NDUFAF5: variants seen among roughly 807,000 people sequenced by gnomAD.
The protein encoded by NDUFAF5 is NADH:ubiquinone oxidoreductase complex assembly factor 5.
A neutral mutation model predicts 48.9 loss-of-function variants in NDUFAF5; 34 were observed. That is an observed-to-expected ratio of 0.70 (90% CI 0.53 to 0.93). NDUFAF5 has a LOEUF of 0.93. Among genes scored for constraint, NDUFAF5 ranks in the 40% least tolerant of loss-of-function variants. The pLI, the probability that NDUFAF5 is intolerant of heterozygous loss-of-function variation, is 0.00. For synonymous variants in NDUFAF5, 153 were observed against 150.6 expected (o/e 1.02, Z -0.12); for missense variants, 428 against 427.5 (o/e 1.00, Z -0.01).
intron 8 of NDUFAF5, among the ~76,000 whole-genome samples, chr20:13,813,709 A>G (rs76155719): frequency 0.016 from 2,513 of 152,304 alleles, 67 homozygotes; most frequent in African/African-American, 0.057. Flanking sequence ...GCAGCACCTA[A>G]ACGAAAATGA....
At position 13,793,098 on chromosome 20, in the gene NDUFAF5, A is replaced by G. The variant is rs1188916459; in HGVS notation, c.328-82A>G. ...TTTACAAAGCTGAAAATTAAAATGT[A>G]ATTAACACTTTTACCTTTAGAAATG... On this transcript the variant is annotated intron_variant, in intron 3 of 10. Transcript: ENST00000378106. The G allele has an allele frequency of 1.2e-5, 17 of 1,452,856 alleles. No individual in the cohort carries two copies. In the Admixed American group the frequency reaches 1.3e-4, roughly 11 times the overall value. The allele number at this position is 1,452,856 out of a possible 1,614,324, so 90.0% of individuals were successfully genotyped here. A position where few individuals can be genotyped will look rare whatever the true frequency, so the allele number is the denominator to read the frequency against.
At chr20:13,792,012 A>G (rs1286409000) in intron 3 of NDUFAF5, among the ~76,000 whole-genome samples, 3 of 152,206 alleles carry the variant, frequency 2.0e-5, no homozygotes, top group Non-Finnish European at 4.4e-5. Flanking sequence ...AAGTTGGCAA[A>G]TGCTACAAAG....
chr20:13,808,442 C>T (rs1206667748), intron 7 of NDUFAF5, among the ~76,000 whole-genome samples: 1 of 151,944 alleles, frequency 6.6e-6, no homozygotes, highest in East Asian at 1.9e-4. Flanking sequence ...ATTCTAGGTG[C>T]CCCATTTTAA....
intron 5 of NDUFAF5, among the ~76,000 whole-genome samples, chr20:13,795,868 T>C (rs1408144203): frequency 1.3e-5 from 2 of 152,196 alleles, no homozygotes; most frequent in Non-Finnish European, 2.9e-5. Context: ...ATTACTCTTT[T>C]CCCTTTATGT....
chr20:13,817,954 A>G lies in NDUFAF5; in HGVS notation c.*744A>G. On this transcript the variant is annotated 3_prime_UTR_variant, in exon 11 of 11. Transcript: ENST00000378106. ...CAGACAGCTTAGGATAGGTGAGAAG[A>G]ACATAGAGGAAGCAGGGAGAAGGCT... is the stretch of plus-strand genomic sequence containing the variant. 1 of 454,164 alleles carries G rather than the reference A, an allele frequency of 2.2e-6. No homozygotes were observed. The highest frequency in any genetic ancestry group is 4.4e-6 in the Non-Finnish European group (1 of 226,792). 28.1% of individuals were successfully genotyped at this position (454,164 alleles called of 1,614,324 possible).
At chr20:13,789,547 C>T (rs1296640584) in intron 3 of NDUFAF5, among the ~76,000 whole-genome samples, 1 of 151,746 alleles carries the variant, frequency 6.6e-6, no homozygotes, top group Non-Finnish European at 1.5e-5. Flanking sequence ...GCAATCTCAG[C>T]TCACTGCAAG....
chr20:13,799,413 C>G (rs984374267), intron 6 of NDUFAF5, among the ~76,000 whole-genome samples: 1 of 152,018 alleles, frequency 6.6e-6, no homozygotes, highest in Non-Finnish European at 1.5e-5. Context: ...GAAACTGATG[C>G]CTCGGCTGGG....
intron 4 of NDUFAF5, among the ~76,000 whole-genome samples, chr20:13,793,735 C>T (rs536315514): frequency 1.6e-4 from 24 of 152,122 alleles, no homozygotes; most frequent in Non-Finnish European, 2.5e-4. Flanking sequence ...TATTTTTTTC[C>T]GTGGGTATAA....
rs1239037349 is a variant in NDUFAF5 at position 13,817,961 on chromosome 20, A to G, written c.*751A>G. Reference sequence around the variant, plus strand: ...CTTAGGATAGGTGAGAAGAACATAGAGGAAGCAGGGAGAAGGCTGAGAAGC... The same window carrying G: ...CTTAGGATAGGTGAGAAGAACATAGGGGAAGCAGGGAGAAGGCTGAGAAGC... On this transcript the variant is annotated 3_prime_UTR_variant, in exon 11 of 11. Transcript: ENST00000378106. 1 of 454,190 alleles carries G rather than the reference A, an allele frequency of 2.2e-6. No homozygotes were observed. Among genetic ancestry groups the G allele is most frequent in the Non-Finnish European group, 4.4e-6 (1 of 226,794 alleles). The allele number at this position is 454,190 out of a possible 1,614,324, so 28.1% of individuals were successfully genotyped here.
chr20:13,798,442 C>G lies in NDUFAF5; in HGVS notation c.480-19C>G. 6.3e-7 allele frequency: 1 copy of G among 1,595,398 alleles called. No homozygotes were observed. Reference sequence around the variant, plus strand: ...TTGTGCCAGTTAAGCTAAAACAAATCTGTATTCTCATATTTTAGTTTGCAT... The same window carrying G: ...TTGTGCCAGTTAAGCTAAAACAAATGTGTATTCTCATATTTTAGTTTGCAT... On this transcript the variant is annotated intron_variant, in intron 5 of 10. Coordinates refer to ENST00000378106, the MANE Select transcript of NDUFAF5 (RefSeq NM_024120.5).
rs756009183 is a variant in NDUFAF5, at chr20:13,817,317, A to G, written c.*107A>G. On this transcript the variant is annotated 3_prime_UTR_variant, in exon 11 of 11. Coordinates refer to ENST00000378106, the MANE Select transcript of NDUFAF5 (RefSeq NM_024120.5). ...CAAGAAGCACTCTAAGCTATTTACT[A>G]ATAGGCTTTTCATATAATTAGGAAA... The G allele has an allele frequency of 7.9e-6, 7 of 886,284 alleles. No homozygotes were observed. The East Asian group carries it at 1.2e-4, about 15-fold the overall frequency. The allele number at this position is 886,284 out of a possible 1,614,324, so 54.9% of individuals were successfully genotyped here. A position where few individuals can be genotyped will look rare whatever the true frequency, so the allele number is the denominator to read the frequency against.
chr20:13,788,575 G>A lies in NDUFAF5; in HGVS notation c.264-14G>A, dbSNP rs948039004. ...GTTATGGACAGAGCATAACCTCTGT[G>A]TCTTTTTTTTTAGAAATTTCCCCCT... is the stretch of plus-strand genomic sequence containing the variant. On this transcript the variant is annotated splice_polypyrimidine_tract_variant and intron_variant, in intron 2 of 10. Coordinates refer to ENST00000378106, the MANE Select transcript of NDUFAF5 (RefSeq NM_024120.5). 1.3e-6 allele frequency: 2 copies of A among 1,598,794 alleles called. No individual in the cohort carries two copies. Among genetic ancestry groups the A allele is most frequent in the Middle Eastern group, 1.7e-4 (1 of 6,028 alleles).
chr20:13,785,079 C>G lies in NDUFAF5; in HGVS notation c.11C>G (p.Pro4Arg). 2 of 1,611,744 alleles carry G rather than the reference C, an allele frequency of 1.2e-6. No individual in the cohort carries two copies. ...GGGTCGCAGCTGGAGATGCTGCGGC[C>G]GGCAGGGCTCTGGCGCTTATGTCGG... MLR[P>R]AGLWRLCRRP... Residue 4 changes from proline to arginine, a missense_variant, in exon 1 of 11, where the codon CCG becomes CGG. Physicochemically the swap from Pro to Arg is moderately radical, Grantham distance 103. Coordinates refer to ENST00000378106, the MANE Select transcript of NDUFAF5 (RefSeq NM_024120.5).
At chr20:13,804,378 T>TC (rs1984682923) in intron 7 of NDUFAF5, among the ~76,000 whole-genome samples, 1 of 151,884 alleles carries the variant, frequency 6.6e-6, no homozygotes, top group African/African-American at 2.4e-5. Context: ...AGAACTACTG[T>TC]CCTAGAGGTA....
intron 5 of NDUFAF5, among the ~76,000 whole-genome samples, chr20:13,797,459 G>A (rs1323037286): frequency 2.0e-5 from 3 of 152,150 alleles, no homozygotes. Flanking sequence ...ACTTAAATGC[G>A]TATTACTGAA....
chr20:13,788,629 T>G lies in NDUFAF5; in HGVS notation c.304T>G (p.Tyr102Asp). 6.2e-7 allele frequency: 1 copy of G among 1,611,722 alleles called. No homozygotes were observed. Among genetic ancestry groups the G allele is most frequent in the Non-Finnish European group, 8.5e-7 (1 of 1,177,902 alleles). ...LALDLGCGRGYIAQYLNKETI... is the reference protein window; with the variant it reads ...LALDLGCGRGDIAQYLNKETI... ...TTTGGATCTTGGTTGTGGAAGAGGT[T>G]ACATTGCACAATATTTGAATAAGGT... Residue 102 changes from tyrosine (Y) to aspartate (D), a missense_variant, in exon 3 of 11, where the codon TAC (tyrosine) becomes GAC (aspartate). By Grantham distance (160) the Tyr-to-Asp change is radical. Transcript: ENST00000378106.
intron 3 of NDUFAF5, among the ~76,000 whole-genome samples, chr20:13,790,027 T>C (rs1999112): frequency 0.77 from 117,314 of 152,032 alleles, 45,405 homozygotes; most frequent in East Asian, 0.89. Flanking sequence ...TGGTGGTTCC[T>C]AGCATTGGAA....
chr20:13,804,576 C>T (rs1048241852), intron 7 of NDUFAF5, among the ~76,000 whole-genome samples: 11 of 152,166 alleles, frequency 7.2e-5, no homozygotes, highest in African/African-American at 2.7e-4. Context: ...TTAATTTCCG[C>T]ATATTATTTC....
In NDUFAF5 at chr20:13,817,400, G is replaced by A. The variant is rs1986607008; in HGVS notation, c.*190G>A. 1.5e-6 allele frequency: 1 copy of A among 688,644 alleles called. No individual in the cohort carries two copies. The highest frequency in any genetic ancestry group is 1.8e-5 in the African/African-American group (1 of 56,818). 42.7% of individuals were successfully genotyped at this position (688,644 alleles called of 1,614,324 possible). On this transcript the variant is annotated 3_prime_UTR_variant, in exon 11 of 11. Coordinates refer to ENST00000378106, the MANE Select transcript of NDUFAF5 (RefSeq NM_024120.5). ...TTTCATATTGTTTCTGTTCTCATAA[G>A]GATACTGCTGAGTGTCTTTGCAGAT...
Sources: allele counts gnomAD v4.1 joint callset (sites outside exome capture counted in the v4.1 genomes callset), GRCh38; gene constraint gnomAD v4.1.1; transcripts MANE v1.5; gene names NCBI Gene and HGNC (gene_info 2026-07-23, HGNC 2026-07-21).